The following MRTFB variants were observed in gnomAD, a reference collection of about 807,000 sequenced individuals.
MRTFB encodes myocardin-related transcription factor B.
In MRTFB, 29 loss-of-function variants were observed where a neutral mutation model predicts 104.2. That is an observed-to-expected ratio of 0.28 (90% CI 0.21 to 0.38). The LOEUF is 0.38. Ranked by LOEUF, MRTFB falls within the 10% of genes least tolerant of loss-of-function variation. The pLI, the probability that MRTFB is intolerant of heterozygous loss-of-function variation, is 1.00. For missense variants in MRTFB, 1,270 were observed against 1,341.6 expected (o/e 0.95, Z 0.83); for synonymous variants, 535 against 519.5 (o/e 1.03, Z -0.41).
At chr16:14,230,683 T>C (rs2042218469) in intron 8 of MRTFB, among the ~76,000 whole-genome samples, 1 of 152,194 alleles carries the variant, frequency 6.6e-6, no homozygotes, top group Admixed American at 6.5e-5. Context: ...ACACTGTTGG[T>C]GGGACTGTAA....
At chr16:14,091,293 A>G (rs1427923469) in intron 2 of MRTFB, among the ~76,000 whole-genome samples, 1 of 152,212 alleles carries the variant, frequency 6.6e-6, no homozygotes, top group African/African-American at 2.4e-5. Context: ...AACCTCACTC[A>G]AACTATCTTA....
chr16:14,216,385 A>T (rs2041427709), intron 6 of MRTFB, among the ~76,000 whole-genome samples: 1 of 152,232 alleles, frequency 6.6e-6, no homozygotes, highest in African/African-American at 2.4e-5. Flanking sequence ...AACATTTTTT[A>T]GAACAATGGA....
intron 1 of MRTFB, among the ~76,000 whole-genome samples, chr16:14,078,243 C>G (rs1468814626): frequency 2.0e-5 from 3 of 152,188 alleles, no homozygotes; most frequent in Non-Finnish European, 4.4e-5. Context: ...TGTGTTCATC[C>G]TGCACACCAA....
At chr16:14,025,873 T>C in the MRTFB span, among the ~76,000 whole-genome samples, 1 of 152,188 alleles carries the variant, frequency 6.6e-6, no homozygotes, top group African/African-American at 2.4e-5. Context: ...AGAATGTCAT[T>C]TACAATCACT....
chr16:14,024,583 A>G, the MRTFB span, among the ~76,000 whole-genome samples: 1 of 152,194 alleles, frequency 6.6e-6, no homozygotes, highest in Non-Finnish European at 1.5e-5. Flanking sequence ...TTGCATTGGC[A>G]ATTAGACCCA....
intron 2 of MRTFB, among the ~76,000 whole-genome samples, chr16:14,135,920 C>T (rs2037694226): frequency 1.3e-5 from 2 of 152,188 alleles, no homozygotes; most frequent in South Asian, 2.1e-4. Context: ...AACTCCTACT[C>T]ATCCTTGAAG....
At chr16:14,131,933 A>G (rs189767363) in intron 2 of MRTFB, among the ~76,000 whole-genome samples, 51 of 152,282 alleles carry the variant, frequency 3.3e-4, no homozygotes, top group Non-Finnish European at 2.4e-4. Flanking sequence ...TCTTATGTGT[A>G]TACCCAAGAG....
At chr16:14,207,249 C>T (rs1042175427) in intron 3 of MRTFB, among the ~76,000 whole-genome samples, 2 of 152,168 alleles carry the variant, frequency 1.3e-5, no homozygotes, top group African/African-American at 4.8e-5. Flanking sequence ...AAATTATTCT[C>T]CTACCTTCAA....
At chr16:14,036,339 G>T in the MRTFB span, among the ~76,000 whole-genome samples, 1 of 110,514 alleles carries the variant, frequency 9.0e-6, no homozygotes, top group Non-Finnish European at 1.9e-5. Context: ...ACCTGCCTCT[G>T]GGCAGTTCCA....
chr16:14,206,375 CTT>C (rs1409630865), intron 3 of MRTFB, among the ~76,000 whole-genome samples: 2 of 152,176 alleles, frequency 1.3e-5, no homozygotes, highest in Non-Finnish European at 2.9e-5. Flanking sequence ...TCTGCTGTGA[CTT>C]ATACATTAAT....
intron 8 of MRTFB, among the ~76,000 whole-genome samples, chr16:14,223,048 T>C (rs1010804708): frequency 4.6e-5 from 7 of 152,140 alleles, no homozygotes; most frequent in African/African-American, 7.2e-5. Flanking sequence ...GTCTCAGACC[T>C]GTAATCCCAG....
At chr16:14,143,841 A>G (rs1445454950) in intron 3 of MRTFB, 1 of 152,174 alleles carries the variant, frequency 6.6e-6, no homozygotes, top group East Asian at 1.9e-4. Context: ...TTAAGCAGAT[A>G]ATGTATTCAT....
chr16:13,999,125 G>C, the MRTFB span, among the ~76,000 whole-genome samples: 1 of 151,378 alleles, frequency 6.6e-6, no homozygotes, highest in Non-Finnish European at 1.5e-5. Flanking sequence ...AGGAGGTGGA[G>C]GTTGCAGTGA....
intron 10 of MRTFB, among the ~76,000 whole-genome samples, chr16:14,242,010 AATG>A (rs1258643125): frequency 2.9e-5 from 4 of 137,732 alleles, no homozygotes; most frequent in African/African-American, 8.5e-5. Context: ...TAATAATAAT[AATG>A]GTAATGATGT....
chr16:14,228,896 A>T (rs897944597), intron 8 of MRTFB, among the ~76,000 whole-genome samples: 1 of 152,132 alleles, frequency 6.6e-6, no homozygotes, highest in African/African-American at 2.4e-5. Context: ...AAAGAAAATG[A>T]TGATTGCCTG....
chr16:14,098,780 A>G (rs2035535548), intron 2 of MRTFB, among the ~76,000 whole-genome samples: 1 of 152,216 alleles, frequency 6.6e-6, no homozygotes, highest in African/African-American at 2.4e-5. Context: ...GATGTAGATC[A>G]AAGTTCATAT....
chr16:14,012,160 C>A, the MRTFB span, among the ~76,000 whole-genome samples: 1 of 151,080 alleles, frequency 6.6e-6, no homozygotes, highest in Non-Finnish European at 1.5e-5. Context: ...GCAGCGAGAA[C>A]GTACTGTTTA....
intron 3 of MRTFB, among the ~76,000 whole-genome samples, chr16:14,183,513 GT>G (rs964167108): frequency 1.3e-5 from 2 of 151,596 alleles, no homozygotes; most frequent in Admixed American, 6.6e-5. Flanking sequence ...TTATGTGTTT[GT>G]TTTTTTTCTT....
At chr16:14,003,656 C>CCTTCCTT in the MRTFB span, among the ~76,000 whole-genome samples, 2 of 73,648 alleles carry the variant, frequency 2.7e-5, no homozygotes, top group African/African-American at 7.0e-5. Context: ...CTCCCTCCCT[C>CCTTCCTT]CCTCCCTCCC....
Sources: allele counts gnomAD v4.1 joint callset (sites outside exome capture counted in the v4.1 genomes callset), GRCh38; gene constraint gnomAD v4.1.1; transcripts MANE v1.5; gene names NCBI Gene and HGNC (gene_info 2026-07-23, HGNC 2026-07-21).